ASB11: variants seen among roughly 807,000 people sequenced by gnomAD.
ASB11 encodes ankyrin repeat and SOCS box containing 11.
A neutral mutation model predicts 20.1 loss-of-function variants in ASB11; 17 were observed. The observed-to-expected ratio is 0.85, with a 90% CI of 0.58 to 1.27. The LOEUF is 1.27. ASB11 is among the 50% of genes most tolerant of loss of function. The pLI is 0.00. For synonymous variants in ASB11, 107 were observed against 105.6 expected (o/e 1.01, Z -0.08); for missense variants, 259 against 256.9 (o/e 1.01, Z -0.06).
chrX:15,289,606 T>C lies in ASB11; in HGVS notation c.553A>G (p.Asn185Asp), dbSNP rs934774673. Residue 185 changes from asparagine to aspartate, a missense_variant, in exon 5 of 7, where the codon AAT becomes GAT. Physicochemically the swap from Asn to Asp is conservative, Grantham distance 23 (BLOSUM62 1). Coordinates refer to ENST00000480796, the MANE Select transcript of ASB11 (RefSeq NM_080873.3). The stretch of plus-strand genomic sequence containing the variant: ...ACCTCATGGTCAATGTTAACATTAT[T>C]TGCCAGCAGGATCTCCATGCACTCT... ...HRECMEILLA[N>D]NVNIDHEVPQ... is the part of the protein sequence containing the mutation. 1.7e-6 allele frequency: 2 copies of C among 1,210,620 alleles called. No individual in the cohort carries two copies. The highest frequency in any genetic ancestry group is 2.2e-6 in the Non-Finnish European group (2 of 894,576).
chrX:15,289,626 C>A lies in ASB11; in HGVS notation c.533G>T (p.Cys178Phe), dbSNP rs1927480144. The part of the protein sequence containing the change: ...HEAVKRGHRE[C>F]MEILLANNVN... ...ATTATTTGCCAGCAGGATCTCCATG[C>A]ACTCTCTGTGACCTGGTGGAACACA... The change falls in exon 5 of 7, where the codon TGC becomes TTC. Residue 178 changes from cysteine (C) to phenylalanine (F), a missense_variant. By Grantham distance (205) the Cys-to-Phe change is radical (BLOSUM62 -2). Coordinates refer to ENST00000480796, the MANE Select transcript of ASB11 (RefSeq NM_080873.3). 3.3e-6 allele frequency: 4 copies of A among 1,209,586 alleles called. No homozygotes were observed. The highest frequency in any genetic ancestry group is 4.5e-6 in the Non-Finnish European group (4 of 894,128).
chrX:15,283,086 G>C lies in ASB11; in HGVS notation c.*419C>G, dbSNP rs1927234498. ...AAAGAAAGAAAAAAAGTGGGGAAGG[G>C]CTGAAGGAAGGAACTAAATCAAGAA... On this transcript the variant is annotated 3_prime_UTR_variant, in exon 7 of 7. Coordinates refer to ENST00000480796, the MANE Select transcript of ASB11 (RefSeq NM_080873.3). 9.1e-6 allele frequency: 1 copy of C among 110,429 alleles called. No individual in the cohort carries two copies. Among genetic ancestry groups the C allele is most frequent in the Non-Finnish European group, 1.9e-5 (1 of 53,629 alleles). 9.1% of individuals were successfully genotyped at this position (110,429 alleles called of 1,213,427 possible). A position where few individuals can be genotyped will look rare whatever the true frequency, so the allele number is the denominator to read the frequency against.
rs757131031 is a variant in ASB11, at chrX:15,297,546, G to A, written c.369+28C>T. On this transcript the variant is annotated intron_variant, in intron 3 of 6. Transcript: ENST00000480796. ...ATTAACAGATGCATCTGGCCAGACA[G>A]ACCCAAGTGGGCAGGGGCAGTACTC... 4.5e-6 allele frequency: 5 copies of A among 1,105,647 alleles called. No individual in the cohort carries two copies. The South Asian group carries it at 1.1e-4, about 24-fold the overall frequency. 91.1% of individuals were successfully genotyped at this position (1,105,647 alleles called of 1,213,427 possible).
At chrX:15,312,552 A>T (rs894213395) in intron 1 of ASB11, among the ~76,000 whole-genome samples, 7 of 108,454 alleles carry the variant, frequency 6.5e-5, no homozygotes, top group Non-Finnish European at 1.1e-4. Flanking sequence ...CAAAAGTCTA[A>T]CCTGTGTGCT....
intron 1 of ASB11, among the ~76,000 whole-genome samples, chrX:15,313,529 A>G (rs188280468): frequency 8.9e-6 from 1 of 111,879 alleles, no homozygotes; most frequent in African/African-American, 3.2e-5. Flanking sequence ...AAACTGGGAA[A>G]TTAACATGCA....
chrX:15,284,048 G>T (rs12834451), intron 6 of ASB11, among the ~76,000 whole-genome samples: 39 of 107,503 alleles, frequency 3.6e-4, no homozygotes, highest in Middle Eastern at 4.8e-3. Context: ...GTCAGGAGAT[G>T]GAGACCATCC....
intron 5 of ASB11, 83 bp downstream of exon 5, chrX:15,289,421 C>A (rs1927473131): frequency 1.0e-6 from 1 of 996,785 alleles, no homozygotes; most frequent in South Asian, 2.4e-5. Flanking sequence ...TATTTTTCAA[C>A]CATGACAAGA....
intron 1 of ASB11, among the ~76,000 whole-genome samples, chrX:15,303,983 G>A (rs1921154564): frequency 8.9e-6 from 1 of 112,723 alleles, no homozygotes; most frequent in Non-Finnish European, 1.9e-5. Context: ...ACCTGCCAAA[G>A]GGCAATCAAT....
chrX:15,287,909 G>A lies in ASB11; in HGVS notation c.819C>T (p.Ser273=), dbSNP rs201156950. ...SALDLAAPKS[S]VEQALLLREG... is the part of the protein sequence containing the mutation. ...CACGGAGCAAGAGTGCCTGCTCCAC[G>A]CTGCTTTTTGGAGCCGCCAGATCAA... Residue 273 remains serine (S), a synonymous_variant, in exon 6 of 7, where the codon AGC becomes AGT. Transcript: ENST00000480796. 99 of 1,210,016 alleles carry A rather than the reference G, an allele frequency of 8.2e-5. No individual in the cohort carries two copies. Among genetic ancestry groups the A allele is most frequent in the Non-Finnish European group, 1.0e-4 (93 of 894,542 alleles).
At chrX:15,303,806 G>C (rs1005453179) in intron 1 of ASB11, among the ~76,000 whole-genome samples, 1 of 112,230 alleles carries the variant, frequency 8.9e-6, no homozygotes, top group Admixed American at 9.5e-5. Context: ...ATACAACCGC[G>C]ATGTTAAGTG....
At chrX:15,293,149 G>A (rs749275803) in intron 4 of ASB11, 21 bp downstream of exon 4, 6 of 1,201,235 alleles carry the variant, frequency 5.0e-6, no homozygotes, top group Non-Finnish European at 6.7e-6. Flanking sequence ...TGTTTCACAT[G>A]CATTGTGGTG....
intron 1 of ASB11, among the ~76,000 whole-genome samples, chrX:15,313,334 G>A (rs968590936): frequency 1.8e-5 from 2 of 110,954 alleles, no homozygotes; most frequent in Admixed American, 9.6e-5. Context: ...CAGAGGAGGA[G>A]GTTGCACTGA....
intron 3 of ASB11, among the ~76,000 whole-genome samples, chrX:15,295,769 C>A (rs1315508124): frequency 8.9e-6 from 1 of 112,428 alleles, no homozygotes; most frequent in East Asian, 2.8e-4. Context: ...GACAAGGAAA[C>A]ATGTCTTATT....
intron 2 of ASB11, among the ~76,000 whole-genome samples, chrX:15,300,204 A>G (rs1403456742): frequency 1.8e-5 from 2 of 112,544 alleles, no homozygotes; most frequent in African/African-American, 6.5e-5. Flanking sequence ...GAAATTGTAG[A>G]AATGTGATGC....
intron 5 of ASB11, 96 bp from the exon 6 acceptor site, chrX:15,288,168 C>G: frequency 1.1e-6 from 1 of 893,717 alleles, no homozygotes; most frequent in Non-Finnish European, 1.5e-6. Context: ...ATTTTAAGTA[C>G]CATGACATAC....
At chrX:15,289,377 G>A in intron 5 of ASB11, 127 bp downstream of exon 5, 1 of 742,692 alleles carries the variant, frequency 1.3e-6, no homozygotes, top group Non-Finnish European at 1.9e-6. Flanking sequence ...GAGAAGTTTT[G>A]TTTTTAGCAT....
intron 1 of ASB11, among the ~76,000 whole-genome samples, chrX:15,311,660 C>CTT (rs34332247): frequency 9.5e-6 from 1 of 104,974 alleles, no homozygotes; most frequent in African/African-American, 3.5e-5. Flanking sequence ...TAAAATAGCC[C>CTT]TTTTTTTTTT....
intron 2 of ASB11, among the ~76,000 whole-genome samples, chrX:15,301,000 C>T (rs867224075): frequency 6.3e-5 from 7 of 111,516 alleles, no homozygotes; most frequent in African/African-American, 2.0e-4. Context: ...TTCACTCTTT[C>T]ACCCAGGCTG....
intron 6 of ASB11, among the ~76,000 whole-genome samples, chrX:15,284,247 GCC>G (rs1927302785): frequency 1.3e-5 from 1 of 74,377 alleles, no homozygotes; most frequent in Non-Finnish European, 2.3e-5. Context: ...GCGAGACTCC[GCC>G]TCAAAAAAAA....
Sources: allele counts gnomAD v4.1 joint callset (sites outside exome capture counted in the v4.1 genomes callset), GRCh38; gene constraint gnomAD v4.1.1; transcripts MANE v1.5; gene names NCBI Gene and HGNC (gene_info 2026-07-23, HGNC 2026-07-21).